Variants in HMCN1 observed in about 807,000 individuals in gnomAD.
HMCN1 encodes the protein hemicentin 1.
HMCN1 carries 321 observed loss-of-function variants against 625.9 expected under a neutral mutation model. The observed-to-expected ratio is 0.51, with a 90% CI of 0.47 to 0.56. HMCN1 has a LOEUF of 0.56. Among genes scored for constraint, HMCN1 ranks in the 20% least tolerant of loss-of-function variants. HMCN1 has a pLI of 0.00. For synonymous variants in HMCN1, 2,425 were observed against 2,417.6 expected, an observed-to-expected ratio of 1.00 and a Z score of -0.09; for missense variants, 6,588 against 6,887.3, an observed-to-expected ratio of 0.96 and a Z score of 1.54.
chr1:185,755,506 A>C (rs1655076553), intron 1 of HMCN1, among the ~76,000 whole-genome samples: 1 of 152,158 alleles, frequency 6.6e-6, no homozygotes, highest in Non-Finnish European at 1.5e-5. Flanking sequence ...GCTAGGCCTC[A>C]TGGCGTAGTG....
intron 4 of HMCN1, among the ~76,000 whole-genome samples, chr1:185,898,885 TAA>T (rs566386597): frequency 3.5e-5 from 5 of 141,998 alleles, no homozygotes; most frequent in Non-Finnish European, 3.1e-5. Flanking sequence ...TTCAGACAGC[TAA>T]AAAAAAAAAA....
In HMCN1 at chr1:186,151,230, T is replaced by G. The variant is rs77460954; in HGVS notation, c.14639T>G (p.Ile4880Ser). 308 of 1,613,858 alleles carry G rather than the reference T, an allele frequency of 1.9e-4. 1 individual carries two copies. Among genetic ancestry groups the G allele is most frequent in the Non-Finnish European group, 2.5e-4 (297 of 1,179,792 alleles). The change falls in exon 94 of 107, where the codon ATT becomes AGT. Residue 4880 changes from isoleucine to serine, a missense_variant. Around this residue, in one of 3 missense-constraint regions of HMCN1, gnomAD observed 1,954 missense variants for 2,013.1 expected, o/e 0.97. Coordinates refer to ENST00000271588, the MANE Select transcript of HMCN1 (RefSeq NM_031935.3). ...GGPQRARGSVIGNINDVEFGI... is the reference protein window; with the variant it reads ...GGPQRARGSVSGNINDVEFGI... ...CCCCAGCGAGCCAGAGGAAGTGTTA[T>G]TGGAAATATTAATGATGTTGAATTT...
intron 32 of HMCN1, 63 bp from the exon 33 acceptor site, chr1:186,016,900 A>G (rs1654403317): frequency 2.2e-6 from 2 of 892,746 alleles, no homozygotes; most frequent in Non-Finnish European, 1.9e-6. Flanking sequence ...TTATTGCTTC[A>G]TATGATGGTG....
chr1:185,735,120 T>G, intron 1 of HMCN1, 73 bp downstream of exon 1: 2 of 1,499,334 alleles, frequency 1.3e-6, no homozygotes, highest in Non-Finnish European at 9.3e-7. Context: ...TGAATGAAAT[T>G]GTTTGTCAGG....
At chr1:186,151,162 G>A (rs769421783) in intron 93 of HMCN1, 38 bp from the exon 94 acceptor site, 4 of 1,609,244 alleles carry the variant, frequency 2.5e-6, no homozygotes, top group South Asian at 1.1e-5. Context: ...TGATGAAATT[G>A]CATCCTTATC....
intron 36 of HMCN1, among the ~76,000 whole-genome samples, chr1:186,027,797 T>C (rs1655155950): frequency 6.6e-6 from 1 of 152,186 alleles, no homozygotes; most frequent in African/African-American, 2.4e-5. Context: ...GGGTCTGTAT[T>C]AGTTGTCTGG....
intron 6 of HMCN1, among the ~76,000 whole-genome samples, chr1:185,913,330 T>C (rs1372771773): frequency 1.3e-5 from 2 of 152,180 alleles, no homozygotes; most frequent in African/African-American, 4.8e-5. Flanking sequence ...TGACGAGTTG[T>C]TTTGCTGCTA....
At chr1:185,735,979 C>G (rs2102058243) in intron 1 of HMCN1, among the ~76,000 whole-genome samples, 1 of 152,308 alleles carries the variant, frequency 6.6e-6, no homozygotes, top group Middle Eastern at 3.4e-3. Flanking sequence ...CACTGTTCTC[C>G]CACACTTTTC....
chr1:185,981,182 T>C, intron 17 of HMCN1, 109 bp downstream of exon 17: 3 of 737,354 alleles, frequency 4.1e-6, no homozygotes, highest in Non-Finnish European at 5.0e-6. Flanking sequence ...GATAAATGAC[T>C]AATTACTAGA....
Position 185,990,450 on chromosome 1 carries a change from G to C in HMCN1, c.3377+7G>C. ...TCTCACCGTTCTCTCCAAGGTAGGAGATCTGGGATGAATTGCAACACATGA... is the reference window on the plus strand; with the variant it reads ...TCTCACCGTTCTCTCCAAGGTAGGACATCTGGGATGAATTGCAACACATGA... On this transcript the variant is annotated splice_region_variant and intron_variant, in intron 22 of 106. Transcript: ENST00000271588. The C allele has an allele frequency of 6.2e-7, 1 of 1,613,246 alleles. No homozygotes were observed. The highest frequency in any genetic ancestry group is 8.5e-7 in the Non-Finnish European group (1 of 1,179,252).
intron 1 of HMCN1, among the ~76,000 whole-genome samples, chr1:185,757,758 A>G (rs995503619): frequency 6.6e-6 from 1 of 152,162 alleles, no homozygotes; most frequent in African/African-American, 2.4e-5. Flanking sequence ...GCCAAAATAT[A>G]TTGGCACAAT....
At chr1:186,125,143 G>A (rs1283785901) in intron 81 of HMCN1, among the ~76,000 whole-genome samples, 1 of 151,812 alleles carries the variant, frequency 6.6e-6, no homozygotes, top group Non-Finnish European at 1.5e-5. Flanking sequence ...TTTTTCTACA[G>A]CACTTTGTGA....
intron 22 of HMCN1, 42 bp from the exon 23 acceptor site, chr1:185,993,140 T>G (rs754993745): frequency 1.3e-6 from 2 of 1,593,664 alleles, no homozygotes; most frequent in Non-Finnish European, 1.7e-6. Flanking sequence ...GATATTTAAA[T>G]TCTCCTCTTC....
intron 105 of HMCN1, among the ~76,000 whole-genome samples, chr1:186,183,736 A>C (rs373017157): frequency 1.3e-5 from 2 of 152,164 alleles, no homozygotes; most frequent in East Asian, 1.9e-4. Context: ...CAGAGGTAGG[A>C]CTTGACCTCA....
intron 52 of HMCN1, among the ~76,000 whole-genome samples, chr1:186,074,108 A>G (rs1015153336): frequency 2.0e-5 from 3 of 152,120 alleles, no homozygotes; most frequent in African/African-American, 7.2e-5. Flanking sequence ...GGGGGAATTT[A>G]GTATAAATGA....
At chr1:186,114,553 C>T (rs1238592266) in intron 73 of HMCN1, among the ~76,000 whole-genome samples, 1 of 152,136 alleles carries the variant, frequency 6.6e-6, no homozygotes, top group Non-Finnish European at 1.5e-5. Flanking sequence ...GCCTTCACTC[C>T]AGGCCCAAAT....
intron 1 of HMCN1, among the ~76,000 whole-genome samples, chr1:185,751,132 T>G (rs1308860590): frequency 1.3e-5 from 2 of 152,154 alleles, no homozygotes; most frequent in Admixed American, 6.5e-5. Flanking sequence ...AGCTCCCTAC[T>G]CCTTCATTTT....
chr1:186,150,552 C>A (rs1571422852), intron 93 of HMCN1, among the ~76,000 whole-genome samples: 2 of 151,788 alleles, frequency 1.3e-5, no homozygotes, highest in Non-Finnish European at 2.9e-5. Flanking sequence ...ACTTGATAAA[C>A]CCTCACTCTA....
chr1:185,796,189 A>C (rs1285296814), intron 1 of HMCN1, among the ~76,000 whole-genome samples: 1 of 152,178 alleles, frequency 6.6e-6, no homozygotes, highest in Non-Finnish European at 1.5e-5. Context: ...CATTAGTTAG[A>C]TTCTTATAAG....
Sources: gnomAD v4.1 joint callset for allele counts (sites outside exome capture counted in the v4.1 genomes callset) on GRCh38, gnomAD v4.1.1 for gene constraint, gnomAD v4.1.1 regional missense constraint, MANE v1.5 for transcripts, NCBI Gene and HGNC (gene_info 2026-07-23, HGNC 2026-07-21) for gene names.